Variants in RIOX2 observed in about 807,000 individuals in gnomAD.
RIOX2 encodes 60S ribosomal protein L27a histidine hydroxylase.
RIOX2 carries 43 observed loss-of-function variants against 51.2 expected under a neutral mutation model. The observed-to-expected ratio is 0.84, with a 90% CI of 0.66 to 1.08. The LOEUF (loss-of-function observed/expected upper bound fraction) is 1.08. RIOX2 is among the 50% of genes least tolerant of loss of function. The pLI is 0.00. For missense variants in RIOX2, 566 were observed against 561.7 expected (o/e 1.01, Z -0.08); for synonymous variants, 226 against 218.5 (o/e 1.03, Z -0.30).
At position 97,962,368 on chromosome 3, in the gene RIOX2, C is replaced by A. The variant is rs990793104; in HGVS notation, c.433-660G>T. On this transcript the variant is annotated intron_variant, in intron 2 of 9. Coordinates refer to ENST00000394198, the MANE Select transcript of RIOX2 (RefSeq NM_153182.4). The stretch of plus-strand genomic sequence containing the variant: ...TTGGAATGCTAAGACCCCCCCCCCC[C>A]CCCCCACATGGAGATGTCTTTAAGT... Among the ~76,000 whole-genome samples the A allele has an allele frequency of 3.7e-4, 48 of 128,946 alleles. 1 individual carries two copies. The highest frequency in any genetic ancestry group is 5.7e-4 in the African/African-American group (20 of 35,210). The allele number at this position is 128,946 out of a possible 152,430, so 84.6% of individuals were successfully genotyped here.
rs532318650 is a variant in RIOX2, at chr3:97,948,506, T to G, written c.1061-1057A>C. Among the ~76,000 whole-genome samples, 7 of 152,216 alleles carry G rather than the reference T, an allele frequency of 4.6e-5. No homozygotes were observed. The South Asian group carries it at 1.5e-3, about 32-fold the overall frequency. ...AAACAAAACACCACCACTCCGTACA[T>G]ACTCATGTCTGGACTCAGGCAAGGC... On this transcript the variant is annotated intron_variant, in intron 7 of 9. Transcript: ENST00000394198.
intron 1 of RIOX2, among the ~76,000 whole-genome samples, chr3:97,969,824 G>A (rs1706052992): frequency 6.6e-6 from 1 of 152,196 alleles, no homozygotes; most frequent in African/African-American, 2.4e-5. Context: ...CTTCACCCAT[G>A]TGCCTCTTCC....
At chr3:97,957,126 C>T (rs1705478800) in intron 4 of RIOX2, among the ~76,000 whole-genome samples, 1 of 152,194 alleles carries the variant, frequency 6.6e-6, no homozygotes. Flanking sequence ...GCCCATCCCT[C>T]AACCACAGCC....
At chr3:97,960,140 T>A (rs1318803251) in intron 3 of RIOX2, among the ~76,000 whole-genome samples, 2 of 152,166 alleles carry the variant, frequency 1.3e-5, no homozygotes, top group Non-Finnish European at 2.9e-5. Flanking sequence ...AATAACACCA[T>A]GGGACCCATA....
At chr3:97,961,533 C>T in intron 3 of RIOX2, 56 bp downstream of exon 3, 1 of 1,541,672 alleles carries the variant, frequency 6.5e-7, no homozygotes, top group Non-Finnish European at 8.7e-7. Flanking sequence ...CTCTACTAAA[C>T]CAGGCTCTCA....
intron 8 of RIOX2, 101 bp from the exon 9 acceptor site, chr3:97,945,988 A>G (rs894734815): frequency 1.2e-5 from 9 of 778,636 alleles, no homozygotes; most frequent in Admixed American, 1.1e-4. Context: ...AAAAAATTTC[A>G]AAAGCCTTGG....
At position 97,950,803 on chromosome 3, in the gene RIOX2, G is replaced by T. The variant is rs780261020; in HGVS notation, c.871C>A (p.Pro291Thr). Residue 291 changes from proline to threonine, a missense_variant, in exon 6 of 10, where the codon CCC becomes ACC. By Grantham distance (38) the Pro-to-Thr change is conservative. Transcript: ENST00000394198. Reference sequence around the variant, plus strand: ...CTCCTTACCAGGAGCAGCTGCCGGGGTATGCCGGTCCGTAACTCCACGTCT... The same window carrying T: ...CTCCTTACCAGGAGCAGCTGCCGGGTTATGCCGGTCCGTAACTCCACGTCT... The part of the protein sequence containing the change: ...KEDVELRTGI[P>T]RQLLLQVEST... The T allele has an allele frequency of 6.2e-7, 1 of 1,613,546 alleles. No homozygotes were observed. Among genetic ancestry groups the T allele is most frequent in the Non-Finnish European group, 8.5e-7 (1 of 1,179,678 alleles).
At chr3:97,956,628 T>C (rs1047165348) in intron 4 of RIOX2, among the ~76,000 whole-genome samples, 2 of 152,034 alleles carry the variant, frequency 1.3e-5, no homozygotes, top group Admixed American at 1.3e-4. Context: ...CCTGAGTAGC[T>C]GGGATTACAG....
chr3:97,947,489 G>T, intron 7 of RIOX2, 40 bp from the exon 8 acceptor site: 1 of 1,524,432 alleles, frequency 6.6e-7, no homozygotes. Flanking sequence ...CTTCAAAAAA[G>T]GAAACAGGCA....
Position 97,942,375 on chromosome 3 carries a change from A to C in RIOX2, c.*2809T>G. 6.2e-7 allele frequency: 1 copy of C among 1,612,046 alleles called. No individual in the cohort carries two copies. The highest frequency in any genetic ancestry group is 8.5e-7 in the Non-Finnish European group (1 of 1,178,644). On this transcript the variant is annotated 3_prime_UTR_variant, in exon 10 of 10. Transcript: ENST00000394198. ...ACTGAACATGGGCAATTCAGGCAGA[A>C]GTGGAGACTGAATAAAAATGGAACT...
chr3:97,943,827 C>T lies in RIOX2; in HGVS notation c.*1357G>A, dbSNP rs1330840671. 4 of 152,802 alleles carry T rather than the reference C, an allele frequency of 2.6e-5. No individual in the cohort carries two copies. In the Admixed American group the frequency reaches 2.6e-4, roughly 10 times the overall value. 9.5% of individuals were successfully genotyped at this position (152,802 alleles called of 1,614,324 possible). On this transcript the variant is annotated 3_prime_UTR_variant, in exon 10 of 10. Transcript: ENST00000394198. ...CTTTCCTAGATAAACTTTAAGGTTT[C>T]TATACTGAGGCTTTTATAATGAACG...
chr3:97,942,160 T>A lies in RIOX2; in HGVS notation c.*3024A>T. The A allele has an allele frequency of 1.4e-6, 1 of 740,104 alleles. No homozygotes were observed. The allele number at this position is 740,104 out of a possible 1,614,324, so 45.8% of individuals were successfully genotyped here. On this transcript the variant is annotated 3_prime_UTR_variant, in exon 10 of 10. Coordinates refer to ENST00000394198, the MANE Select transcript of RIOX2 (RefSeq NM_153182.4). The stretch of plus-strand genomic sequence containing the variant: ...TTACTGAAATTATACTATATAGTAT[T>A]TTTTTAGATAAGACACACACACACT...
intron 4 of RIOX2, among the ~76,000 whole-genome samples, chr3:97,956,665 T>C (rs1024027239): frequency 2.6e-5 from 4 of 151,980 alleles, no homozygotes; most frequent in African/African-American, 9.7e-5. Flanking sequence ...CCAGCTAATT[T>C]TGTATTTTCA....
chr3:97,967,701 G>T, intron 1 of RIOX2, 69 bp from the exon 2 acceptor site: 1 of 1,091,906 alleles, frequency 9.2e-7, no homozygotes, highest in Non-Finnish European at 1.3e-6. Context: ...AGTGGATCGC[G>T]CGCACACACA....
At chr3:97,961,487 A>G in intron 3 of RIOX2, 102 bp downstream of exon 3, 1 of 1,301,216 alleles carries the variant, frequency 7.7e-7, no homozygotes, top group South Asian at 1.7e-5. Context: ...TACAGACCTA[A>G]GAGCCTTAGA....
intron 1 of RIOX2, among the ~76,000 whole-genome samples, chr3:97,971,092 G>C (rs1373948344): frequency 6.6e-6 from 1 of 152,314 alleles, no homozygotes; most frequent in East Asian, 1.9e-4. Flanking sequence ...TGTGCAGAGG[G>C]GATTATTTTT....
At chr3:97,962,660 A>AG (rs1047525845) in intron 2 of RIOX2, among the ~76,000 whole-genome samples, 1 of 152,098 alleles carries the variant, frequency 6.6e-6, no homozygotes, top group African/African-American at 2.4e-5. Flanking sequence ...AGAAGAGAGG[A>AG]GGGGGGCAAT....
chr3:97,961,611 G>C lies in RIOX2; in HGVS notation c.530C>G (p.Pro177Arg). 6.2e-7 allele frequency: 1 copy of C among 1,604,480 alleles called. No homozygotes were observed. The highest frequency in any genetic ancestry group is 8.5e-7 in the Non-Finnish European group (1 of 1,177,552). ...TACCTCGACATCATCATAATGGGGC[G>C]GCAGGCCCTGAGATCCTGCGGGAGT... ...YITPAGSQGL[P>R]PHYDDVEVFI... is the part of the protein sequence containing the mutation. The change falls in exon 3 of 10, where the codon CCG becomes CGG. Residue 177 changes from proline to arginine, a missense_variant. Physicochemically the swap from Pro to Arg is moderately radical, Grantham distance 103. Coordinates refer to ENST00000394198, the MANE Select transcript of RIOX2 (RefSeq NM_153182.4).
In RIOX2 at chr3:97,943,250, A is replaced by C. The variant is rs1405080023; in HGVS notation, c.*1934T>G. ...GGAGGAAATTATTGTGACAAGACTCATGTAATTGTAAATCAGCCCCTGGAG... is the reference window on the plus strand; with the variant it reads ...GGAGGAAATTATTGTGACAAGACTCCTGTAATTGTAAATCAGCCCCTGGAG... On this transcript the variant is annotated 3_prime_UTR_variant, in exon 10 of 10. Coordinates refer to ENST00000394198, the MANE Select transcript of RIOX2 (RefSeq NM_153182.4). 6.3e-7 allele frequency: 1 copy of C among 1,586,842 alleles called. No homozygotes were observed. The highest frequency in any genetic ancestry group is 2.2e-5 in the East Asian group (1 of 44,536).
Sources: allele counts gnomAD v4.1 joint callset (sites outside exome capture counted in the v4.1 genomes callset), GRCh38; gene constraint gnomAD v4.1.1; transcripts MANE v1.5; gene names NCBI Gene and HGNC (gene_info 2026-07-23, HGNC 2026-07-21).